The following ELMO1 variants were observed in gnomAD, a reference collection of about 807,000 sequenced individuals.
The protein encoded by ELMO1 is engulfment and cell motility protein 1.
ELMO1 carries 26 observed loss-of-function variants against 98.9 expected under a neutral mutation model. The observed-to-expected ratio is 0.26, with a 90% CI of 0.19 to 0.36. The LOEUF (loss-of-function observed/expected upper bound fraction) is 0.36. Among genes scored for constraint, ELMO1 ranks in the 10% least tolerant of loss-of-function variants. The pLI is 1.00. For synonymous variants in ELMO1, 346 were observed against 346.0 expected, an observed-to-expected ratio of 1.00 and a Z score of 0.00; for missense variants, 627 against 935.2, an observed-to-expected ratio of 0.67 and a Z score of 4.30.
chr7:37,226,759 C>T (rs1421014644), intron 8 of ELMO1, among the ~76,000 whole-genome samples: 2 of 152,108 alleles, frequency 1.3e-5, no homozygotes, highest in Non-Finnish European at 2.9e-5. Context: ...GTCAAGCACC[C>T]TCCGCCTCCA....
In ELMO1 at chr7:37,342,628, G is replaced by T. The variant is rs200439925; in HGVS notation, c.63C>A (p.Leu21=). The change falls in exon 2 of 22, where the codon CTC becomes CTA. Residue 21 remains leucine, a synonymous_variant. Coordinates refer to ENST00000310758, the MANE Select transcript of ELMO1 (RefSeq NM_014800.11). The surrounding 1 kb of genome is among the most constrained non-coding windows in gnomAD (Gnocchi z 4.3). ...AIEWPGAYPK[L]MEIDQKKPLS... is the part of the protein sequence containing the mutation. ...CGTTACTAACCTGATCAATTTCCAT[G>T]AGTTTGGGGTAGGCGCCCGGCCATT... is the stretch of plus-strand genomic sequence containing the variant. 9.4e-5 allele frequency: 151 copies of T among 1,613,952 alleles called. No individual in the cohort carries two copies. The highest frequency in any genetic ancestry group is 1.2e-4 in the Non-Finnish European group (144 of 1,179,938).
chr7:36,992,484 G>A (rs367895161), intron 16 of ELMO1, among the ~76,000 whole-genome samples: 8 of 152,288 alleles, frequency 5.3e-5, no homozygotes, highest in South Asian at 4.1e-4. Flanking sequence ...AGAATTGCAG[G>A]CTGATGAAAA....
intron 16 of ELMO1, among the ~76,000 whole-genome samples, chr7:36,927,368 T>C (rs191217127): frequency 2.6e-5 from 4 of 152,368 alleles, no homozygotes; most frequent in Admixed American, 2.6e-4. Context: ...TTTAACCTAA[T>C]GCTTCTCGAA....
intron 15 of ELMO1, among the ~76,000 whole-genome samples, chr7:37,016,948 C>T (rs1469708703): frequency 6.6e-6 from 1 of 152,130 alleles, no homozygotes; most frequent in Non-Finnish European, 1.5e-5. Flanking sequence ...TCCAATGCAC[C>T]TCCACCAACA....
intron 16 of ELMO1, among the ~76,000 whole-genome samples, chr7:36,902,734 T>C (rs1306040868): frequency 2.0e-5 from 3 of 152,136 alleles, no homozygotes; most frequent in African/African-American, 7.2e-5. Flanking sequence ...GTAGCAATGA[T>C]CAAAATAATG....
intron 15 of ELMO1, among the ~76,000 whole-genome samples, chr7:37,077,895 C>T (rs142040049): frequency 5.6e-4 from 85 of 152,184 alleles, no homozygotes; most frequent in African/African-American, 2.0e-3. Context: ...CTCCTGCCTT[C>T]GTGAGTAAAG....
At chr7:37,339,759 G>A (rs1372203718) in intron 2 of ELMO1, among the ~76,000 whole-genome samples, 1 of 152,038 alleles carries the variant, frequency 6.6e-6, no homozygotes, top group Admixed American at 6.6e-5. Flanking sequence ...GTTTCCATAT[G>A]TGATTAATAG....
At chr7:37,368,709 G>A (rs544398525) in intron 1 of ELMO1, among the ~76,000 whole-genome samples, 1 of 152,286 alleles carries the variant, frequency 6.6e-6, no homozygotes, top group African/African-American at 2.4e-5. Context: ...GGCTTTATCT[G>A]CATAAGATGA....
chr7:37,378,733 T>C (rs1802466597), intron 1 of ELMO1, among the ~76,000 whole-genome samples: 1 of 152,060 alleles, frequency 6.6e-6, no homozygotes, highest in Admixed American at 6.5e-5. Context: ...TTCAAACAAT[T>C]TGAAAATCAT....
intron 13 of ELMO1, among the ~76,000 whole-genome samples, chr7:37,157,902 C>T (rs1184361958): frequency 6.6e-6 from 1 of 152,152 alleles, no homozygotes; most frequent in African/African-American, 2.4e-5. Context: ...AGACTTCAAA[C>T]TATACTATAA....
At chr7:37,423,317 C>T (rs1406997968) in intron 1 of ELMO1, among the ~76,000 whole-genome samples, 1 of 152,202 alleles carries the variant, frequency 6.6e-6, no homozygotes, top group South Asian at 2.1e-4. Context: ...TGGTGGCTTA[C>T]ACCTGTAACC....
At chr7:36,993,107 G>C (rs1791980459) in intron 16 of ELMO1, among the ~76,000 whole-genome samples, 1 of 152,176 alleles carries the variant, frequency 6.6e-6, no homozygotes, top group Non-Finnish European at 1.5e-5. Flanking sequence ...GAAGAAACTA[G>C]AGATGAAGGC....
chr7:37,230,436 G>A (rs541981653), intron 8 of ELMO1, among the ~76,000 whole-genome samples: 2 of 151,986 alleles, frequency 1.3e-5, no homozygotes, highest in Non-Finnish European at 2.9e-5. Flanking sequence ...GGAAAGCACA[G>A]GTGCATGATG....
intron 1 of ELMO1, among the ~76,000 whole-genome samples, chr7:37,447,711 A>AC (rs1348041484): frequency 2.3e-5 from 2 of 85,234 alleles, no homozygotes; most frequent in Non-Finnish European, 4.7e-5. Flanking sequence ...GCGCGCGCAC[A>AC]CACCACACAC....
intron 16 of ELMO1, among the ~76,000 whole-genome samples, chr7:36,988,480 A>G (rs1791659781): frequency 6.6e-6 from 1 of 152,230 alleles, no homozygotes; most frequent in East Asian, 1.9e-4. Context: ...CAAACTGACA[A>G]GGTTTCTGCC....
intron 16 of ELMO1, among the ~76,000 whole-genome samples, chr7:36,897,486 C>G (rs1208175382): frequency 2.0e-5 from 3 of 151,632 alleles, no homozygotes; most frequent in Admixed American, 1.3e-4. Flanking sequence ...TCACGTGCAA[C>G]CAAAGAATCC....
In ELMO1 at chr7:36,855,282, G is replaced by T; in HGVS notation, c.*269C>A. ...GGAAGGGCCCTTTGGCCTTCTTACT[G>T]GCAGTGGGCTTTGCTCTTGTCCCAC... On this transcript the variant is annotated 3_prime_UTR_variant, in exon 22 of 22. Transcript: ENST00000310758. The surrounding 1 kb of genome is among the most constrained non-coding windows in gnomAD (Gnocchi z 4.2). 1 of 489,148 alleles carries T rather than the reference G, an allele frequency of 2.0e-6. No individual in the cohort carries two copies. Among genetic ancestry groups the T allele is most frequent in the Non-Finnish European group, 3.7e-6 (1 of 268,064 alleles). 30.3% of individuals were successfully genotyped at this position (489,148 alleles called of 1,614,324 possible).
At chr7:36,896,988 G>C (rs1396781484) in intron 16 of ELMO1, among the ~76,000 whole-genome samples, 1 of 152,172 alleles carries the variant, frequency 6.6e-6, no homozygotes, top group Non-Finnish European at 1.5e-5. Flanking sequence ...TTTTTAAATA[G>C]AATCAGGTTA....
chr7:37,138,716 C>T (rs988487464), intron 13 of ELMO1, among the ~76,000 whole-genome samples: 49 of 152,252 alleles, frequency 3.2e-4, no homozygotes, highest in African/African-American at 1.1e-3. Flanking sequence ...CTCCCTTAAT[C>T]GTTCTATGAA....
Sources: gnomAD v4.1 joint callset for allele counts (sites outside exome capture counted in the v4.1 genomes callset) on GRCh38, gnomAD v4.1.1 for gene constraint, Gnocchi (gnomAD v3.1) non-coding constraint, MANE v1.5 for transcripts, NCBI Gene and HGNC (gene_info 2026-07-23, HGNC 2026-07-21) for gene names.